The following KCNH8 variants were observed in gnomAD, a reference collection of about 807,000 sequenced individuals.
KCNH8 encodes voltage-gated delayed rectifier potassium channel KCNH8.
In KCNH8, 70 loss-of-function variants were observed where a neutral mutation model predicts 103.6. That is an observed-to-expected ratio of 0.68 (90% CI 0.56 to 0.82). The LOEUF (loss-of-function observed/expected upper bound fraction) is 0.82, where lower values mean the gene tolerates loss of function less well. Among genes scored for constraint, KCNH8 ranks in the 40% least tolerant of loss-of-function variants. The pLI, the probability that KCNH8 is intolerant of heterozygous loss-of-function variation, is 0.00. For synonymous variants in KCNH8, 498 were observed against 489.4 expected (o/e 1.02, Z -0.23); for missense variants, 1,217 against 1,329.9 (o/e 0.92, Z 1.32).
intron 1 of KCNH8, among the ~76,000 whole-genome samples, chr3:19,153,475 C>T (rs1190826057): frequency 6.6e-6 from 1 of 152,112 alleles, no homozygotes; most frequent in Non-Finnish European, 1.5e-5. Flanking sequence ...AAAGTCTTTA[C>T]AGAAGCATAT....
intron 1 of KCNH8, among the ~76,000 whole-genome samples, chr3:19,161,095 G>C (rs1047287041): frequency 7.2e-5 from 11 of 152,138 alleles, no homozygotes; most frequent in Non-Finnish European, 1.5e-4. Context: ...GAAAAAAATT[G>C]TGCTAGTTTT....
intron 12 of KCNH8, among the ~76,000 whole-genome samples, chr3:19,511,628 CAG>C (rs2068784329): frequency 6.6e-6 from 1 of 151,998 alleles, no homozygotes; most frequent in South Asian, 2.1e-4. Flanking sequence ...GTTAAAAACA[CAG>C]AGTTTTAAAC....
chr3:19,510,841 C>T (rs2125241071), intron 12 of KCNH8, among the ~76,000 whole-genome samples: 1 of 152,036 alleles, frequency 6.6e-6, no homozygotes, highest in Middle Eastern at 3.4e-3. Flanking sequence ...GAAAAGTTTC[C>T]CGAAAAAACT....
At chr3:19,213,110 A>G (rs1032732113) in intron 1 of KCNH8, among the ~76,000 whole-genome samples, 1 of 152,194 alleles carries the variant, frequency 6.6e-6, no homozygotes. Flanking sequence ...CCAATGTAGG[A>G]ATCTCTACAG....
At chr3:19,364,034 G>C (rs1215119156) in intron 5 of KCNH8, among the ~76,000 whole-genome samples, 1 of 152,012 alleles carries the variant, frequency 6.6e-6, no homozygotes, top group African/African-American at 2.4e-5. Context: ...ACATAGTTAA[G>C]CTTTGATTAG....
At chr3:19,348,437 A>C (rs907957208) in intron 5 of KCNH8, among the ~76,000 whole-genome samples, 1 of 152,142 alleles carries the variant, frequency 6.6e-6, no homozygotes, top group African/African-American at 2.4e-5. Flanking sequence ...TAAGCCTTGC[A>C]GTAAATCTGG....
intron 3 of KCNH8, among the ~76,000 whole-genome samples, chr3:19,289,370 T>A (rs2064884510): frequency 6.6e-6 from 1 of 152,234 alleles, no homozygotes; most frequent in African/African-American, 2.4e-5. Flanking sequence ...GTCTAACATT[T>A]AAGTCTTTAA....
intron 7 of KCNH8, among the ~76,000 whole-genome samples, chr3:19,436,920 C>T (rs2067207915): frequency 6.6e-6 from 1 of 152,152 alleles, no homozygotes; most frequent in African/African-American, 2.4e-5. Context: ...GTTTCTGATG[C>T]AAGCTAAAGG....
chr3:19,334,121 G>T (rs140589197), intron 3 of KCNH8, among the ~76,000 whole-genome samples: 1 of 151,638 alleles, frequency 6.6e-6, no homozygotes, highest in Non-Finnish European at 1.5e-5. Flanking sequence ...TTACAGTCCC[G>T]TATGGACCGT....
At chr3:19,520,761 T>C (rs2068957868) in intron 15 of KCNH8, among the ~76,000 whole-genome samples, 1 of 151,986 alleles carries the variant, frequency 6.6e-6, no homozygotes, top group Admixed American at 6.6e-5. Flanking sequence ...ATATGTGTGA[T>C]ACATGCCACA....
chr3:19,505,555 T>C (rs1400360876), intron 11 of KCNH8, among the ~76,000 whole-genome samples: 1 of 152,172 alleles, frequency 6.6e-6, no homozygotes, highest in East Asian at 1.9e-4. Context: ...GGGTTCCCTT[T>C]GTAGGTGACC....
intron 4 of KCNH8, 108 bp downstream of exon 4, chr3:19,342,822 T>G: frequency 9.0e-7 from 1 of 1,107,908 alleles, no homozygotes; most frequent in Non-Finnish European, 1.3e-6. Context: ...GCCTAGATTT[T>G]TTTTTCCACT....
At chr3:19,529,481 C>T (rs2069123881) in intron 15 of KCNH8, among the ~76,000 whole-genome samples, 1 of 152,172 alleles carries the variant, frequency 6.6e-6, no homozygotes, top group African/African-American at 2.4e-5. Flanking sequence ...TTAGCAAATG[C>T]ATGTCTTCTT....
At chr3:19,224,697 C>A (rs1415842465) in intron 1 of KCNH8, among the ~76,000 whole-genome samples, 4 of 151,930 alleles carry the variant, frequency 2.6e-5, no homozygotes, top group African/African-American at 9.7e-5. Context: ...TGAGCCACCT[C>A]ACCCAGCCTG....
intron 10 of KCNH8, among the ~76,000 whole-genome samples, chr3:19,452,548 G>A (rs1343958379): frequency 2.6e-5 from 4 of 152,058 alleles, no homozygotes; most frequent in African/African-American, 4.8e-5. Context: ...GATATAATGG[G>A]GTCTGAGACC....
intron 11 of KCNH8, among the ~76,000 whole-genome samples, chr3:19,494,733 G>T (rs1426644963): frequency 6.6e-6 from 1 of 152,090 alleles, no homozygotes; most frequent in South Asian, 2.1e-4. Flanking sequence ...TGGGATTGCT[G>T]GATCAAATGG....
At chr3:19,373,704 G>A (rs1336136367) in intron 5 of KCNH8, among the ~76,000 whole-genome samples, 2 of 151,436 alleles carry the variant, frequency 1.3e-5, no homozygotes, top group Admixed American at 1.3e-4. Context: ...TGATGTTAGG[G>A]TGTCAATTTT....
At chr3:19,283,968 GAAAA>G (rs1024289441) in intron 3 of KCNH8, among the ~76,000 whole-genome samples, 1 of 145,916 alleles carries the variant, frequency 6.9e-6, no homozygotes, top group Non-Finnish European at 1.5e-5. Flanking sequence ...TAAAGAAAAA[GAAAA>G]AAAAATATTT....
rs774377599 is a variant in KCNH8 at position 19,427,732 on chromosome 3, G to C, written c.1178-10432G>C. ...AAACCCCTCCCACCAACTGCCTTTG[G>C]AGTAATAGCTAGGGTTTCTGGGAGA... On this transcript the variant is annotated intron_variant, in intron 7 of 15. Transcript: ENST00000328405. 2.2e-4 allele frequency among the ~76,000 whole-genome samples: 33 copies of C among 152,248 alleles called. 1 individual carries two copies. The highest frequency in any genetic ancestry group is 6.2e-4 in the South Asian group (3 of 4,820).
Sources: allele counts gnomAD v4.1 joint callset (sites outside exome capture counted in the v4.1 genomes callset), GRCh38; gene constraint gnomAD v4.1.1; transcripts MANE v1.5; gene names NCBI Gene and HGNC (gene_info 2026-07-23, HGNC 2026-07-21).